DSCAM: variants seen among roughly 807,000 people sequenced by gnomAD.
The protein encoded by DSCAM is DS cell adhesion molecule.
DSCAM carries 47 observed loss-of-function variants against 217.7 expected under a neutral mutation model. That is an observed-to-expected ratio of 0.22 (90% CI 0.17 to 0.28). The LOEUF (loss-of-function observed/expected upper bound fraction) is 0.28. Ranked by LOEUF, DSCAM falls within the 10% of genes least tolerant of loss-of-function variation. The pLI, the probability that DSCAM is intolerant of heterozygous loss-of-function variation, is 1.00. For synonymous variants in DSCAM, 1,056 were observed against 1,015.3 expected, an observed-to-expected ratio of 1.04 and a Z score of -0.76; for missense variants, 2,080 against 2,618.3, an observed-to-expected ratio of 0.79 and a Z score of 4.49.
chr21:40,221,872 ATT>A (rs1339810544), intron 11 of DSCAM, among the ~76,000 whole-genome samples: 3 of 152,196 alleles, frequency 2.0e-5, no homozygotes, highest in Non-Finnish European at 4.4e-5. Flanking sequence ...CGTTTTTAAC[ATT>A]CTGTGTGACA....
At chr21:40,428,835 C>CACACACAA (rs745360354) in intron 3 of DSCAM, among the ~76,000 whole-genome samples, 1 of 149,032 alleles carries the variant, frequency 6.7e-6, no homozygotes, top group Non-Finnish European at 1.5e-5. Context: ...CGACCTAATA[C>CACACACAA]ACACACACAC....
intron 3 of DSCAM, among the ~76,000 whole-genome samples, chr21:40,536,236 A>AC (rs2076495229): frequency 6.6e-6 from 1 of 152,138 alleles, no homozygotes; most frequent in African/African-American, 2.4e-5. Flanking sequence ...TTGAGTTGTG[A>AC]CCCCCTAAAT....
At chr21:40,333,730 G>A (rs1159452330) in intron 8 of DSCAM, among the ~76,000 whole-genome samples, 1 of 152,196 alleles carries the variant, frequency 6.6e-6, no homozygotes, top group Non-Finnish European at 1.5e-5. Flanking sequence ...TGCGAATGGT[G>A]TAAAACTGTT....
chr21:40,116,817 A>G (rs2089976330), intron 20 of DSCAM, among the ~76,000 whole-genome samples: 1 of 151,522 alleles, frequency 6.6e-6, no homozygotes, highest in Non-Finnish European at 1.5e-5. Context: ...CCTGGCTAAC[A>G]CAGTGAAACC....
At chr21:40,187,295 A>C in intron 13 of DSCAM, 36 bp from the exon 14 acceptor site, 2 of 1,611,360 alleles carry the variant, frequency 1.2e-6, no homozygotes, top group Non-Finnish European at 1.7e-6. Flanking sequence ...AGTTAGTTCA[A>C]ACAGAGCTCT....
At chr21:40,789,655 A>C (rs2091622574) in intron 1 of DSCAM, among the ~76,000 whole-genome samples, 2 of 149,130 alleles carry the variant, frequency 1.3e-5, no homozygotes. Flanking sequence ...TCCCGGGTTC[A>C]CGCCATTCTC....
At chr21:40,431,347 T>C (rs2075529734) in intron 3 of DSCAM, among the ~76,000 whole-genome samples, 1 of 151,910 alleles carries the variant, frequency 6.6e-6, no homozygotes, top group African/African-American at 2.4e-5. Flanking sequence ...GACAAAGACC[T>C]TTATGACACC....
chr21:40,594,343 T>A (rs1328738910), intron 3 of DSCAM, among the ~76,000 whole-genome samples: 2 of 152,184 alleles, frequency 1.3e-5, no homozygotes, highest in Non-Finnish European at 2.9e-5. Context: ...TTTTACAGTG[T>A]GACATAGCTT....
rs759205106 is a variant in DSCAM, at chr21:40,083,971, T to C, written c.4168A>G (p.Thr1390Ala). Residue 1390 changes from threonine to alanine, a missense_variant, in exon 24 of 33, where the codon ACC (threonine) becomes GCC (alanine). Thr to Ala is a moderately conservative substitution (Grantham distance 58). Transcript: ENST00000400454. ...GAAAGGGTGATGGAGGAAGACGTGG[T>C]CTTGGAGACTGTAAGCCGAGGCTGA... is the stretch of plus-strand genomic sequence containing the variant. ...PDQPRLTVSK[T>A]TSSSITLSWL... 1.1e-4 allele frequency: 175 copies of C among 1,613,628 alleles called. No individual in the cohort carries two copies. Among genetic ancestry groups the C allele is most frequent in the Admixed American group, 1.7e-4 (10 of 59,880 alleles).
chr21:40,330,853 T>C (rs2074370789), intron 8 of DSCAM, among the ~76,000 whole-genome samples: 1 of 152,234 alleles, frequency 6.6e-6, no homozygotes, highest in African/African-American at 2.4e-5. Context: ...AAATAATAAA[T>C]TAACATAAAA....
At chr21:40,364,101 A>G (rs2123683947) in intron 4 of DSCAM, among the ~76,000 whole-genome samples, 1 of 152,344 alleles carries the variant, frequency 6.6e-6, no homozygotes, top group East Asian at 1.9e-4. Context: ...TAGTTCAAAC[A>G]TTGTGAAAGT....
intron 3 of DSCAM, among the ~76,000 whole-genome samples, chr21:40,465,134 C>T (rs1166099848): frequency 6.6e-6 from 1 of 152,012 alleles, no homozygotes; most frequent in East Asian, 1.9e-4. Flanking sequence ...ATCCCAATTC[C>T]CTTCATGTAC....
chr21:40,508,733 A>C, intron 3 of DSCAM, among the ~76,000 whole-genome samples: 1 of 59,960 alleles, frequency 1.7e-5, no homozygotes, highest in East Asian at 4.6e-4. Flanking sequence ...CACACCCGGC[A>C]AATATATATA....
Position 40,015,881 on chromosome 21 carries a change from G to T in DSCAM, c.5687-2495C>A, listed in dbSNP as rs138231895. Among the ~76,000 whole-genome samples the T allele has an allele frequency of 2.9e-3, 439 of 152,324 alleles. 6 individuals are homozygous for T. Among genetic ancestry groups the T allele is most frequent in the African/African-American group, 0.01 (418 of 41,572 alleles). On this transcript the variant is annotated intron_variant, in intron 32 of 32. Coordinates refer to ENST00000400454, the MANE Select transcript of DSCAM (RefSeq NM_001389.5). ...CCTGACTTGAGCTGGACTGACGCTGGGTCTGAGTTTCTGCTGTTTTGGTAC... is the reference window on the plus strand; with the variant it reads ...CCTGACTTGAGCTGGACTGACGCTGTGTCTGAGTTTCTGCTGTTTTGGTAC...
chr21:40,652,614 G>C (rs1165504833), intron 3 of DSCAM, among the ~76,000 whole-genome samples: 1 of 152,156 alleles, frequency 6.6e-6, no homozygotes, highest in African/African-American at 2.4e-5. Flanking sequence ...GCTTAGCTGA[G>C]AGCCCAGGGA....
At chr21:40,559,413 G>A (rs913696527) in intron 3 of DSCAM, among the ~76,000 whole-genome samples, 10 of 149,386 alleles carry the variant, frequency 6.7e-5, no homozygotes, top group East Asian at 4.0e-4. Flanking sequence ...CGCTGAGATC[G>A]CACCACTGCA....
rs979868929 is a variant in DSCAM at position 40,302,116 on chromosome 21, G to A, written c.2063-5942C>T. ...ATGATATTTAGATTTCCTTTTATTA[G>A]TATAACACATTATTTAGTATATTGT... On this transcript the variant is annotated intron_variant, in intron 9 of 32. Coordinates refer to ENST00000400454, the MANE Select transcript of DSCAM (RefSeq NM_001389.5). 2.6e-5 allele frequency among the ~76,000 whole-genome samples: 4 copies of A among 152,140 alleles called. No homozygotes were observed. The East Asian group carries it at 7.7e-4, about 29-fold the overall frequency.
chr21:40,809,950 T>C lies in DSCAM; in HGVS notation c.43+36669A>G, dbSNP rs2091823393. Among the ~76,000 whole-genome samples the C allele has an allele frequency of 2.6e-5, 4 of 152,048 alleles. No homozygotes were observed. In the South Asian group the frequency reaches 8.3e-4, roughly 32 times the overall value. On this transcript the variant is annotated intron_variant, in intron 1 of 32. Transcript: ENST00000400454. ...AAGTCATCAGTCTTCAGGAGAAAAA[T>C]ATTAGCAGTGCATTGCACCATTGCC...
chr21:40,301,071 G>A (rs925573981), intron 9 of DSCAM, among the ~76,000 whole-genome samples: 1 of 152,042 alleles, frequency 6.6e-6, no homozygotes, highest in African/African-American at 2.4e-5. Flanking sequence ...TAAATAACCT[G>A]CCAGCCAATT....
Sources: gnomAD v4.1 joint callset for allele counts (sites outside exome capture counted in the v4.1 genomes callset) on GRCh38, gnomAD v4.1.1 for gene constraint, MANE v1.5 for transcripts, NCBI Gene and HGNC (gene_info 2026-07-23, HGNC 2026-07-21) for gene names.